CNTNAP2: variants seen among roughly 807,000 people sequenced by gnomAD.
CNTNAP2 encodes contactin associated protein 2, also known as contactin-associated protein-like 2.
CNTNAP2 carries 98 observed loss-of-function variants against 155.2 expected under a neutral mutation model. The ratio of observed to expected loss-of-function variants is 0.63; its 90% CI spans 0.54 to 0.75. The LOEUF (loss-of-function observed/expected upper bound fraction) is 0.75, where lower values mean the gene tolerates loss of function less well. Among genes scored for constraint, CNTNAP2 ranks in the 30% least tolerant of loss-of-function variants. CNTNAP2 has a pLI of 0.00. For synonymous variants in CNTNAP2, 651 were observed against 631.2 expected (o/e 1.03, Z -0.47); for missense variants, 1,727 against 1,688.1 (o/e 1.02, Z -0.40).
rs570908065 is a variant in CNTNAP2 at position 147,453,243 on chromosome 7, C to T, written c.1671-32692C>T. On this transcript the variant is annotated intron_variant, in intron 10 of 23. Transcript: ENST00000361727. ...CTTTTCCTCCTGGTAAACTTCTCCT[C>T]ATTGTTAAACATTCAAACAGTAGTG... 3.7e-3 allele frequency among the ~76,000 whole-genome samples: 562 copies of T among 152,270 alleles called. 3 individuals carry two copies. Among genetic ancestry groups the T allele is most frequent in the African/African-American group, 0.013 (523 of 41,550 alleles).
intron 14 of CNTNAP2, among the ~76,000 whole-genome samples, chr7:147,954,675 G>T (rs572450346): frequency 8.9e-4 from 136 of 152,148 alleles, no homozygotes; most frequent in African/African-American, 3.2e-3. Flanking sequence ...ATAATTTTTA[G>T]ATGACAATTT....
intron 3 of CNTNAP2, among the ~76,000 whole-genome samples, chr7:146,846,081 T>C (rs1461137302): frequency 6.6e-6 from 1 of 152,188 alleles, no homozygotes; most frequent in Non-Finnish European, 1.5e-5. Context: ...ATATCTAGAA[T>C]TTTGTCTGCA....
At chr7:146,422,352 T>C (rs984104896) in intron 1 of CNTNAP2, among the ~76,000 whole-genome samples, 1 of 149,386 alleles carries the variant, frequency 6.7e-6, no homozygotes, top group African/African-American at 2.5e-5. Flanking sequence ...TGTATGTGTA[T>C]ATATATGTAT....
chr7:147,751,166 C>G (rs1452097251), intron 13 of CNTNAP2, among the ~76,000 whole-genome samples: 1 of 151,624 alleles, frequency 6.6e-6, no homozygotes, highest in African/African-American at 2.4e-5. Context: ...TCATGATCTC[C>G]CAGATCCTGT....
chr7:147,058,858 G>C (rs1308477678), intron 4 of CNTNAP2, among the ~76,000 whole-genome samples: 1 of 152,184 alleles, frequency 6.6e-6, no homozygotes, highest in Admixed American at 6.5e-5. Context: ...ACCTGCCTTG[G>C]CCTCCCAAAG....
intron 13 of CNTNAP2, among the ~76,000 whole-genome samples, chr7:147,794,656 G>A (rs1236555448): frequency 6.6e-6 from 1 of 151,636 alleles, no homozygotes; most frequent in African/African-American, 2.4e-5. Context: ...CTCATAGAAT[G>A]AATAGGGATA....
chr7:146,829,372 G>A (rs1251099793), intron 2 of CNTNAP2, among the ~76,000 whole-genome samples: 1 of 151,924 alleles, frequency 6.6e-6, no homozygotes, highest in Non-Finnish European at 1.5e-5. Flanking sequence ...AGTGTAGTCT[G>A]CAGAACCATT....
chr7:148,289,263 G>A (rs1461098085), intron 21 of CNTNAP2, among the ~76,000 whole-genome samples: 3 of 152,180 alleles, frequency 2.0e-5, no homozygotes, highest in African/African-American at 7.2e-5. Flanking sequence ...AAAGCAGGTG[G>A]AGGAAACTGA....
At chr7:146,129,450 G>A (rs1026704317) in intron 1 of CNTNAP2, among the ~76,000 whole-genome samples, 5 of 152,192 alleles carry the variant, frequency 3.3e-5, no homozygotes, top group South Asian at 2.1e-4. Context: ...AAGTGGTGGC[G>A]CTAAAGACAA....
At chr7:146,453,755 C>G (rs1473959428) in intron 1 of CNTNAP2, among the ~76,000 whole-genome samples, 2 of 152,116 alleles carry the variant, frequency 1.3e-5, no homozygotes, top group African/African-American at 4.8e-5. Context: ...TCTGATTTAA[C>G]TTCTAGAGAT....
At chr7:147,265,066 C>T (rs940285436) in intron 8 of CNTNAP2, among the ~76,000 whole-genome samples, 5 of 152,100 alleles carry the variant, frequency 3.3e-5, no homozygotes, top group Non-Finnish European at 7.4e-5. Context: ...CTTAGCGTTG[C>T]TCAGGTTGTA....
chr7:147,629,419 AAT>A (rs1351441289), intron 12 of CNTNAP2, among the ~76,000 whole-genome samples: 1 of 142,364 alleles, frequency 7.0e-6, no homozygotes, highest in Non-Finnish European at 1.6e-5. Context: ...TAATAATAAT[AAT>A]AATAATAATA....
chr7:147,735,453 A>C (rs1025261552), intron 13 of CNTNAP2, among the ~76,000 whole-genome samples: 1 of 152,110 alleles, frequency 6.6e-6, no homozygotes, highest in African/African-American at 2.4e-5. Context: ...TATGTGGTCA[A>C]TTTTGGAGTA....
intron 11 of CNTNAP2, among the ~76,000 whole-genome samples, chr7:147,487,041 G>A (rs1798522093): frequency 6.6e-6 from 1 of 152,106 alleles, no homozygotes; most frequent in Non-Finnish European, 1.5e-5. Context: ...AGGAAATGGT[G>A]ACAAGCAAAC....
intron 14 of CNTNAP2, among the ~76,000 whole-genome samples, chr7:147,943,259 CTTTA>C (rs1175879002): frequency 6.6e-6 from 1 of 152,090 alleles, no homozygotes; most frequent in Non-Finnish European, 1.5e-5. Context: ...TTTCATGTAA[CTTTA>C]TTTATTTTAC....
intron 1 of CNTNAP2, among the ~76,000 whole-genome samples, chr7:146,245,519 G>A (rs1392311316): frequency 0.031 from 4,698 of 151,808 alleles, 246 homozygotes; most frequent in African/African-American, 0.11. Flanking sequence ...AGTTGTTTGC[G>A]CAGAAAGGCT....
chr7:146,177,576 C>G (rs913002600), intron 1 of CNTNAP2, among the ~76,000 whole-genome samples: 1 of 152,194 alleles, frequency 6.6e-6, no homozygotes, highest in Non-Finnish European at 1.5e-5. Flanking sequence ...AAGAATGCCT[C>G]AAATTCTTAG....
chr7:146,579,311 A>G (rs970601751), intron 1 of CNTNAP2, among the ~76,000 whole-genome samples: 2 of 152,142 alleles, frequency 1.3e-5, no homozygotes, highest in African/African-American at 4.8e-5. Context: ...TAGAGGAAAG[A>G]TATGATAGGA....
At chr7:147,251,964 TA>T (rs553267351) in intron 8 of CNTNAP2, among the ~76,000 whole-genome samples, 16 of 150,810 alleles carry the variant, frequency 1.1e-4, no homozygotes, top group South Asian at 6.3e-4. Context: ...TGGGGATTAA[TA>T]AAAAAAAACA....
Sources: allele counts gnomAD v4.1 joint callset (sites outside exome capture counted in the v4.1 genomes callset), GRCh38; gene constraint gnomAD v4.1.1; transcripts MANE v1.5; gene names NCBI Gene and HGNC (gene_info 2026-07-23, HGNC 2026-07-21).